FAM184A: variants seen among roughly 807,000 people sequenced by gnomAD.
FAM184A encodes protein FAM184A.
A neutral mutation model predicts 143.8 loss-of-function variants in FAM184A; 99 were observed. That is an observed-to-expected ratio of 0.69 (90% CI 0.58 to 0.81). The LOEUF (loss-of-function observed/expected upper bound fraction) is 0.81, where lower values mean the gene tolerates loss of function less well. FAM184A is among the 40% of genes least tolerant of loss of function. The probability of loss-of-function intolerance (pLI) is 0.00; values close to 1 mark genes in which losing one functional copy is unlikely to be tolerated. For missense variants in FAM184A, 1,217 were observed against 1,310.5 expected, an observed-to-expected ratio of 0.93 and a Z score of 1.10; for synonymous variants, 427 against 446.4, an observed-to-expected ratio of 0.96 and a Z score of 0.55.
Position 118,975,189 on chromosome 6 carries a change from C to T in FAM184A, c.2603G>A (p.Arg868Lys), listed in dbSNP as rs1783809236. The T allele has an allele frequency of 1.3e-6, 2 of 1,598,836 alleles. No individual in the cohort carries two copies. The highest frequency in any genetic ancestry group is 3.4e-5 in the Admixed American group (2 of 58,596). Reference sequence around the variant, plus strand: ...TAATTCCTCTTGTAGATCTGTAATTCTACATATGTGCTCCTTACTCTGTTA... The same window carrying T: ...TAATTCCTCTTGTAGATCTGTAATTTTACATATGTGCTCCTTACTCTGTTA... ...SRRQSKEHIC[R>K]ITDLQEELRH... is the part of the protein sequence containing the mutation. Residue 868 changes from arginine (R) to lysine (K), a missense_variant, in exon 13 of 18, where the codon AGA (arginine) becomes AAA (lysine). Arg to Lys is a conservative substitution (Grantham distance 26, BLOSUM62 2). Transcript: ENST00000338891.
intron 9 of FAM184A, among the ~76,000 whole-genome samples, chr6:118,994,666 A>G (rs2114619703): frequency 6.7e-6 from 1 of 150,150 alleles, no homozygotes; most frequent in South Asian, 2.1e-4. Context: ...AGCCTGGGCA[A>G]CAGAGCGAGA....
chr6:118,968,314 G>A (rs767825845), intron 14 of FAM184A, among the ~76,000 whole-genome samples: 4 of 152,150 alleles, frequency 2.6e-5, no homozygotes, highest in Non-Finnish European at 5.9e-5. Context: ...GAAAGTTTAC[G>A]AATTTGTGTT....
intron 5 of FAM184A, among the ~76,000 whole-genome samples, chr6:119,016,153 G>C (rs910590281): frequency 5.9e-5 from 9 of 152,250 alleles, no homozygotes; most frequent in African/African-American, 1.9e-4. Flanking sequence ...TTTGTATCTA[G>C]CTCAGGGATT....
intron 1 of FAM184A, among the ~76,000 whole-genome samples, chr6:119,092,998 T>G (rs768550458): frequency 6.6e-6 from 1 of 152,206 alleles, no homozygotes; most frequent in African/African-American, 2.4e-5. Context: ...GCATATTACA[T>G]GAATTATGTC....
chr6:119,059,644 A>G (rs1299000770), intron 1 of FAM184A, among the ~76,000 whole-genome samples: 1 of 152,158 alleles, frequency 6.6e-6, no homozygotes, highest in African/African-American at 2.4e-5. Context: ...TCTATGTCTA[A>G]ATTAGGTCAT....
At chr6:119,130,182 C>T (rs932324822) in intron 1 of FAM184A, among the ~76,000 whole-genome samples, 1 of 152,164 alleles carries the variant, frequency 6.6e-6, no homozygotes, top group Non-Finnish European at 1.5e-5. Context: ...TAAGCAGAAT[C>T]CACATAATTT....
At chr6:119,101,971 G>T (rs971696428) in intron 1 of FAM184A, among the ~76,000 whole-genome samples, 1 of 152,094 alleles carries the variant, frequency 6.6e-6, no homozygotes, top group African/African-American at 2.4e-5. Context: ...TAGGAGAATC[G>T]CTTGAACCTG....
chr6:118,971,625 A>C (rs1438425772), intron 14 of FAM184A, among the ~76,000 whole-genome samples: 1 of 152,186 alleles, frequency 6.6e-6, no homozygotes, highest in Non-Finnish European at 1.5e-5. Flanking sequence ...TTAGATATAA[A>C]GTTTTTACTA....
chr6:118,979,889 A>T (rs1783967622), intron 10 of FAM184A, among the ~76,000 whole-genome samples: 2 of 151,686 alleles, frequency 1.3e-5, no homozygotes, highest in South Asian at 4.2e-4. Flanking sequence ...CAAAAAAAAA[A>T]AAATTAAAAA....
intron 1 of FAM184A, among the ~76,000 whole-genome samples, chr6:119,052,107 T>C (rs1401071797): frequency 1.3e-5 from 2 of 152,202 alleles, no homozygotes; most frequent in Non-Finnish European, 2.9e-5. Context: ...GACCTAATGT[T>C]CTGCCAATCA....
At chr6:119,002,055 A>G (rs1001213462) in intron 9 of FAM184A, among the ~76,000 whole-genome samples, 1 of 152,194 alleles carries the variant, frequency 6.6e-6, no homozygotes, top group Non-Finnish European at 1.5e-5. Flanking sequence ...CTAGACACAA[A>G]TTGGCAGGCC....
intron 1 of FAM184A, among the ~76,000 whole-genome samples, chr6:119,041,431 C>T (rs1425646455): frequency 6.6e-6 from 1 of 152,162 alleles, no homozygotes; most frequent in Non-Finnish European, 1.5e-5. Flanking sequence ...CACTAAAATG[C>T]TAATTAGACA....
intron 1 of FAM184A, among the ~76,000 whole-genome samples, chr6:119,129,542 C>T (rs1358991736): frequency 1.3e-5 from 2 of 152,004 alleles, no homozygotes; most frequent in Non-Finnish European, 2.9e-5. Context: ...TTGTAGAAAG[C>T]GCATTTTATT....
At chr6:119,031,447 C>T (rs982292884) in intron 1 of FAM184A, 2 of 152,218 alleles carry the variant, frequency 1.3e-5, no homozygotes, top group African/African-American at 4.8e-5. Context: ...AAGCCAGGAA[C>T]AGAGCGCTCA....
chr6:118,985,628 C>T (rs1039381166), intron 9 of FAM184A, among the ~76,000 whole-genome samples: 1 of 152,164 alleles, frequency 6.6e-6, no homozygotes, highest in African/African-American at 2.4e-5. Flanking sequence ...CTCCCTCCTT[C>T]CTTTCTTCCC....
At chr6:119,118,623 A>G (rs1789123633) in intron 1 of FAM184A, among the ~76,000 whole-genome samples, 1 of 152,188 alleles carries the variant, frequency 6.6e-6, no homozygotes, top group South Asian at 2.1e-4. Context: ...GATTTCATGG[A>G]CACTTATCAC....
chr6:118,977,413 CTACAAAAAT>C (rs1355736843), intron 11 of FAM184A, among the ~76,000 whole-genome samples: 1 of 152,036 alleles, frequency 6.6e-6, no homozygotes, highest in African/African-American at 2.4e-5. Flanking sequence ...GAAACCCTGC[CTACAAAAAT>C]TACAAAAATT....
At chr6:119,136,138 C>T (rs184962905) in intron 1 of FAM184A, among the ~76,000 whole-genome samples, 1,871 of 149,552 alleles carry the variant, frequency 0.013, 16 homozygotes, top group Non-Finnish European at 0.018. Flanking sequence ...ATTAGCCGGG[C>T]GCGGTGGCGG....
chr6:119,091,538 T>C (rs1191565035), intron 1 of FAM184A, among the ~76,000 whole-genome samples: 1 of 152,238 alleles, frequency 6.6e-6, no homozygotes, highest in African/African-American at 2.4e-5. Flanking sequence ...CCATGTTGTC[T>C]TGTTGTGCCT....
Sources: gnomAD v4.1 joint callset for allele counts (sites outside exome capture counted in the v4.1 genomes callset) on GRCh38, gnomAD v4.1.1 for gene constraint, MANE v1.5 for transcripts, NCBI Gene and HGNC (gene_info 2026-07-23, HGNC 2026-07-21) for gene names.